The following B3GAT2 variants were observed in gnomAD, a reference collection of about 807,000 sequenced individuals.
B3GAT2 encodes galactosylgalactosylxylosylprotein 3-beta-glucuronosyltransferase 2.
In B3GAT2, 26 loss-of-function variants were observed where a neutral mutation model predicts 27.8. The observed-to-expected ratio is 0.93, with a 90% CI of 0.68 to 1.30. The LOEUF is 1.30. Among genes scored for constraint, B3GAT2 ranks in the 50% most tolerant of loss-of-function variants. B3GAT2 has a pLI of 0.00. For synonymous variants in B3GAT2, 218 were observed against 195.1 expected (o/e 1.12, Z -0.98); for missense variants, 458 against 459.0 (o/e 1.00, Z 0.02).
chr6:70,913,833 GTC>G (rs1351736518), intron 1 of B3GAT2, among the ~76,000 whole-genome samples: 1 of 152,180 alleles, frequency 6.6e-6, no homozygotes, highest in Admixed American at 6.5e-5. Flanking sequence ...GGTTATCCAT[GTC>G]TCTTTGTAGG....
chr6:70,955,827 G>C lies in B3GAT2; in HGVS notation c.591+12C>G, dbSNP rs1024358868. On this transcript the variant is annotated intron_variant, in intron 1 of 3. Coordinates refer to ENST00000230053, the MANE Select transcript of B3GAT2 (RefSeq NM_080742.3). ...CGCCCTCGCCCACCCAGCGGGGCAG[G>C]CTGGCCTTTACCTCCTGGAAGAGCT... The C allele has an allele frequency of 1.3e-6, 2 of 1,582,832 alleles. No homozygotes were observed. The highest frequency in any genetic ancestry group is 8.6e-7 in the Non-Finnish European group (1 of 1,166,108).
At chr6:70,924,952 T>C (rs769963614) in intron 1 of B3GAT2, among the ~76,000 whole-genome samples, 1 of 152,236 alleles carries the variant, frequency 6.6e-6, no homozygotes, top group South Asian at 2.1e-4. Context: ...TTATAGATCC[T>C]GAGGTTGGCC....
chr6:70,888,621 G>A (rs911861010), intron 2 of B3GAT2, among the ~76,000 whole-genome samples: 1 of 152,062 alleles, frequency 6.6e-6, no homozygotes, highest in Non-Finnish European at 1.5e-5. Context: ...CTGCCAACAT[G>A]TGGTTCTCAA....
At chr6:70,891,911 T>C (rs1020480622) in intron 2 of B3GAT2, among the ~76,000 whole-genome samples, 12 of 152,198 alleles carry the variant, frequency 7.9e-5, no homozygotes, top group African/African-American at 2.7e-4. Context: ...ATTTTTAAGT[T>C]AGAATTAGAA....
chr6:70,935,319 T>C (rs1162639354), intron 1 of B3GAT2, among the ~76,000 whole-genome samples: 5 of 151,894 alleles, frequency 3.3e-5, no homozygotes, highest in Admixed American at 2.6e-4. Context: ...CCAGGTATGG[T>C]GGCATGTGCC....
chr6:70,867,567 C>A (rs79517107), intron 2 of B3GAT2, among the ~76,000 whole-genome samples: 3,562 of 152,028 alleles, frequency 0.023, 51 homozygotes, highest in Non-Finnish European at 0.037. Flanking sequence ...CAACTTAGAT[C>A]AAAATAGAAA....
chr6:70,955,864 G>C lies in B3GAT2; in HGVS notation c.566C>G (p.Thr189Ser), dbSNP rs1169131005. 1 of 1,602,842 alleles carries C rather than the reference G, an allele frequency of 6.2e-7. No homozygotes were observed. Among genetic ancestry groups the C allele is most frequent in the East Asian group, 2.3e-5 (1 of 43,746 alleles). ...GVLFFADDDN[T>S]YSLELFQEMR... ...CTCCTGGAAGAGCTCCAGACTATAG[G>C]TGTTGTCGTCGTCAGCGAAGAAGAG... Residue 189 changes from threonine (T) to serine (S), a missense_variant, in exon 1 of 4, where the codon ACC (threonine) becomes AGC (serine). Thr to Ser is a moderately conservative substitution (Grantham distance 58). Coordinates refer to ENST00000230053, the MANE Select transcript of B3GAT2 (RefSeq NM_080742.3).
At chr6:70,939,286 T>G (rs1765348420) in intron 1 of B3GAT2, among the ~76,000 whole-genome samples, 1 of 105,690 alleles carries the variant, frequency 9.5e-6, no homozygotes, top group Admixed American at 1.0e-4. Context: ...GGAACACTTT[T>G]ACACTGTTGG....
At chr6:70,922,985 A>AT (rs1000656595) in intron 1 of B3GAT2, among the ~76,000 whole-genome samples, 2 of 152,332 alleles carry the variant, frequency 1.3e-5, no homozygotes, top group Admixed American at 1.3e-4. Context: ...ATAAATGGGT[A>AT]TAACAACATC....
At chr6:70,916,860 T>C (rs539442728) in intron 1 of B3GAT2, among the ~76,000 whole-genome samples, 1 of 152,120 alleles carries the variant, frequency 6.6e-6, no homozygotes, top group South Asian at 2.1e-4. Flanking sequence ...TAAAATTATC[T>C]TTTTTTGTTG....
intron 1 of B3GAT2, among the ~76,000 whole-genome samples, chr6:70,942,728 AT>A (rs1163842480): frequency 1.3e-5 from 2 of 152,200 alleles, no homozygotes; most frequent in Non-Finnish European, 2.9e-5. Context: ...TAGGTGCTCA[AT>A]TAATATTTGT....
chr6:70,872,262 G>A (rs1052831203), intron 2 of B3GAT2, among the ~76,000 whole-genome samples: 7 of 151,756 alleles, frequency 4.6e-5, no homozygotes, highest in Non-Finnish European at 1.0e-4. Context: ...CTATCTAGTT[G>A]TTCTGTCTAG....
At chr6:70,955,175 CA>C (rs568676062) in intron 1 of B3GAT2, among the ~76,000 whole-genome samples, 333 of 131,646 alleles carry the variant, frequency 2.5e-3, no homozygotes, top group East Asian at 2.8e-3. Context: ...GGTTTTCTTG[CA>C]AAAAAAAAAA....
chr6:70,949,369 A>C (rs950420650), intron 1 of B3GAT2, among the ~76,000 whole-genome samples: 2 of 152,238 alleles, frequency 1.3e-5, no homozygotes, highest in Admixed American at 6.5e-5. Flanking sequence ...GAAAAAACAA[A>C]CAACCCCATC....
chr6:70,888,796 A>G (rs1772234085), intron 2 of B3GAT2, among the ~76,000 whole-genome samples: 1 of 152,168 alleles, frequency 6.6e-6, no homozygotes, highest in African/African-American at 2.4e-5. Context: ...TGTTCCAAAA[A>G]CACACCCTGC....
intron 1 of B3GAT2, among the ~76,000 whole-genome samples, chr6:70,944,517 GA>G (rs1765445811): frequency 6.6e-6 from 1 of 152,236 alleles, no homozygotes; most frequent in Admixed American, 6.5e-5. Context: ...GAGGCTGGGG[GA>G]GGGGTGCCCG....
At chr6:70,918,228 C>CCG (rs1772807023) in intron 1 of B3GAT2, among the ~76,000 whole-genome samples, 1 of 151,704 alleles carries the variant, frequency 6.6e-6, no homozygotes, top group Admixed American at 6.6e-5. Flanking sequence ...ATGGCAAACC[C>CCG]TTTTTTTTGC....
At chr6:70,862,029 CTCTT>C (rs771862518) in intron 2 of B3GAT2, 51 bp from the exon 3 acceptor site, 5 of 1,499,714 alleles carry the variant, frequency 3.3e-6, no homozygotes, top group South Asian at 2.7e-5. Flanking sequence ...TGGTGTACTT[CTCTT>C]TTTTTCTGTA....
chr6:70,948,164 C>T (rs1376144271), intron 1 of B3GAT2, among the ~76,000 whole-genome samples: 9 of 148,128 alleles, frequency 6.1e-5, no homozygotes, highest in East Asian at 4.0e-4. Context: ...CCTTTGAAAA[C>T]GGGCACAAGA....
Sources: gnomAD v4.1 joint callset for allele counts (sites outside exome capture counted in the v4.1 genomes callset) on GRCh38, gnomAD v4.1.1 for gene constraint, MANE v1.5 for transcripts, NCBI Gene and HGNC (gene_info 2026-07-23, HGNC 2026-07-21) for gene names.